The following PARP4 variants were observed in gnomAD, a reference collection of about 807,000 sequenced individuals.
The protein encoded by PARP4 is poly(ADP-ribose) polymerase family member 4, also known as protein mono-ADP-ribosyltransferase PARP4.
In PARP4, 120 loss-of-function variants were observed where a neutral mutation model predicts 187.7. That is an observed-to-expected ratio of 0.64 (90% CI 0.55 to 0.74). PARP4 has a LOEUF of 0.74. Ranked by LOEUF, PARP4 falls within the 30% of genes least tolerant of loss-of-function variation. PARP4 has a pLI of 0.00. For missense variants in PARP4, 1,836 were observed against 2,070.5 expected, an observed-to-expected ratio of 0.89 and a Z score of 2.20; for synonymous variants, 654 against 740.9, an observed-to-expected ratio of 0.88 and a Z score of 1.90.
At position 24,434,847 on chromosome 13, in the gene PARP4, G is replaced by A; in HGVS notation, c.4294C>T (p.Leu1432=). 6.2e-7 allele frequency: 1 copy of A among 1,614,008 alleles called. No homozygotes were observed. The highest frequency in any genetic ancestry group is 2.2e-5 in the East Asian group (1 of 44,870). The part of the protein sequence containing the change: ...TRPSAGTFPE[L]DSPQLHFSLP... The stretch of plus-strand genomic sequence containing the variant: ...GAGAAATGAAGCTGGGGAGAATCCA[G>A]CTCAGGGAAGGTGCCAGCAGAAGGC... The change falls in exon 31 of 34, where the codon CTG becomes TTG. Residue 1432 remains leucine, a synonymous_variant. Transcript: ENST00000381989.
chr13:24,468,742 C>A (rs1241239658), intron 17 of PARP4, among the ~76,000 whole-genome samples: 1 of 152,066 alleles, frequency 6.6e-6, no homozygotes, highest in Non-Finnish European at 1.5e-5. Context: ...AAGTTATATA[C>A]CTCAAATGTT....
chr13:24,508,421 G>A lies in PARP4; in HGVS notation c.-2+4285C>T, dbSNP rs561519360. 4.0e-5 allele frequency among the ~76,000 whole-genome samples: 6 copies of A among 150,946 alleles called. No homozygotes were observed. The South Asian group carries it at 1.3e-3, about 32-fold the overall frequency. ...TTGAAAAATACAGAATTGTATAACA[G>A]AAAAAAAAAGAACAAAACAAAAAAA... On this transcript the variant is annotated intron_variant, in intron 1 of 33. Coordinates refer to ENST00000381989, the MANE Select transcript of PARP4 (RefSeq NM_006437.4).
chr13:24,446,574 C>A, intron 27 of PARP4, 107 bp downstream of exon 27: 1 of 730,074 alleles, frequency 1.4e-6, no homozygotes, highest in Non-Finnish European at 2.4e-6. Flanking sequence ...GCATTCAAAG[C>A]TGCCCTGGGC....
At chr13:24,421,668 C>T (rs1869753623) in intron 33 of PARP4, among the ~76,000 whole-genome samples, 1 of 152,268 alleles carries the variant, frequency 6.6e-6, no homozygotes, top group Non-Finnish European at 1.5e-5. Flanking sequence ...AACTCAAGTA[C>T]TATTTCACAA....
intron 15 of PARP4, 137 bp from the exon 16 acceptor site, chr13:24,470,162 C>A: frequency 1.4e-6 from 1 of 736,578 alleles, no homozygotes; most frequent in Non-Finnish European, 2.1e-6. Flanking sequence ...ATTCCCAACC[C>A]TGGCTTCACT....
chr13:24,492,440 T>C lies in PARP4; in HGVS notation c.1034A>G (p.Lys345Arg). The change falls in exon 9 of 34, where the codon AAG becomes AGG. Residue 345 changes from lysine to arginine, a missense_variant. By Grantham distance (26) the Lys-to-Arg change is conservative. Around this residue, in one of 8 missense-constraint regions of PARP4, gnomAD observed 1,147 missense variants for 1,214.2 expected, o/e 0.94. Coordinates refer to ENST00000381989, the MANE Select transcript of PARP4 (RefSeq NM_006437.4). ...GTTTACCTGGCAGAGGTCTGCTTTC[T>C]TAGCCAATAGTCCCAGGTTCACTTC... is the stretch of plus-strand genomic sequence containing the variant. Reference protein sequence around the residue: ...PKEVNLGLLAKKADLCQLIRD... With the variant: ...PKEVNLGLLARKADLCQLIRD... 1.2e-6 allele frequency: 2 copies of C among 1,613,594 alleles called. No individual in the cohort carries two copies. The highest frequency in any genetic ancestry group is 1.7e-6 in the Non-Finnish European group (2 of 1,179,742).
intron 1 of PARP4, among the ~76,000 whole-genome samples, chr13:24,504,347 TC>T (rs1418409328): frequency 2.4e-5 from 3 of 122,812 alleles, no homozygotes; most frequent in Non-Finnish European, 3.2e-5. Flanking sequence ...GGAATCTCAC[TC>T]TGTCACCCAA....
rs750330972 is a variant in PARP4, at chr13:24,452,602, A to C, written c.2827-9T>G. ...ATGGTAGGTGTGGCAGACTGGAGGA[A>C]ATGAAGTGAAAGATTATGTTCTCCT... On this transcript the variant is annotated splice_polypyrimidine_tract_variant and intron_variant, in intron 23 of 33. Coordinates refer to ENST00000381989, the MANE Select transcript of PARP4 (RefSeq NM_006437.4). The C allele has an allele frequency of 2.5e-6, 4 of 1,605,242 alleles. No homozygotes were observed. The highest frequency in any genetic ancestry group is 1.7e-5 in the Admixed American group (1 of 59,552).
At chr13:24,436,803 C>A (rs750029914) in intron 30 of PARP4, among the ~76,000 whole-genome samples, 2 of 151,998 alleles carry the variant, frequency 1.3e-5, no homozygotes, top group Non-Finnish European at 2.9e-5. Context: ...AAATAATTAG[C>A]CTGTAATTTT....
intron 33 of PARP4, among the ~76,000 whole-genome samples, chr13:24,423,570 G>A (rs1205862705): frequency 2.7e-5 from 4 of 149,246 alleles, no homozygotes; most frequent in East Asian, 2.0e-4. Flanking sequence ...CAAAAAAAAA[G>A]AAAACTCCCA....
chr13:24,498,496 T>A (rs558609296), intron 5 of PARP4, among the ~76,000 whole-genome samples: 1 of 152,358 alleles, frequency 6.6e-6, no homozygotes, highest in Admixed American at 6.5e-5. Context: ...TTTCATGTTT[T>A]CCTTATCAAA....
chr13:24,484,301 G>T (rs1055055561), intron 12 of PARP4, among the ~76,000 whole-genome samples: 1 of 152,132 alleles, frequency 6.6e-6, no homozygotes, highest in Admixed American at 6.5e-5. Context: ...CCAGTAGCTA[G>T]AACTATAGGT....
At chr13:24,426,338 A>G (rs1056454117) in intron 33 of PARP4, 128 bp downstream of exon 33, 1 of 728,218 alleles carries the variant, frequency 1.4e-6, no homozygotes, top group African/African-American at 1.9e-5. Flanking sequence ...TGTCACCTGC[A>G]AACAAATTCT....
At chr13:24,502,098 C>T (rs551910303) in intron 2 of PARP4, among the ~76,000 whole-genome samples, 6 of 152,270 alleles carry the variant, frequency 3.9e-5, no homozygotes, top group South Asian at 2.1e-4. Flanking sequence ...TTGTAAACAA[C>T]GCTGTGATGA....
At chr13:24,509,888 C>T (rs147179703) in intron 1 of PARP4, among the ~76,000 whole-genome samples, 2,932 of 151,976 alleles carry the variant, frequency 0.019, 94 homozygotes, top group African/African-American at 0.06. Flanking sequence ...TTAGTAGAGA[C>T]GGGGTTTCAC....
intron 6 of PARP4, 122 bp from the exon 7 acceptor site, chr13:24,494,844 T>C (rs2137535088): frequency 1.6e-6 from 1 of 610,486 alleles, no homozygotes; most frequent in African/African-American, 1.9e-5. Context: ...TTTCAAAGAA[T>C]TACTTAAATT....
chr13:24,475,955 T>G (rs1214837733), intron 14 of PARP4, among the ~76,000 whole-genome samples: 3 of 152,022 alleles, frequency 2.0e-5, no homozygotes, highest in Admixed American at 6.6e-5. Context: ...CAGCTAATTT[T>G]TTGGTATTTT....
rs568061244 is a variant in PARP4 at position 24,500,322 on chromosome 13, A to G, written c.395T>C (p.Leu132Pro). ...TCAGAAAGAAGTAAATTACTCAGTG[A>G]GTTCCACAGTGTCTTCCTCCTCTGT... is the stretch of plus-strand genomic sequence containing the variant. ...SATEEEDTVE[L>P]TEFGMQNVEI... is the part of the protein sequence containing the mutation. Residue 132 changes from leucine (L) to proline (P), a missense_variant, in exon 4 of 34, where the codon CTC becomes CCC. By Grantham distance (98) the Leu-to-Pro change is moderately conservative. Transcript: ENST00000381989. 2.9e-5 allele frequency: 46 copies of G among 1,582,182 alleles called. 1 individual carries two copies. In the South Asian group the frequency reaches 5.1e-4, roughly 18 times the overall value.
rs943578015 is a variant in PARP4 at position 24,421,458 on chromosome 13, G to C, written c.4980-144C>G. The C allele has an allele frequency of 3.7e-6, 4 of 1,079,048 alleles. No homozygotes were observed. In the South Asian group the frequency reaches 7.0e-5, roughly 19 times the overall value. 66.8% of individuals were successfully genotyped at this position (1,079,048 alleles called of 1,614,324 possible). ...AAAGCAGTTTTCCTTGGCATCTTAC[G>C]GAAGTTCTTCTGCCCGTCTGACCTT... is the stretch of plus-strand genomic sequence containing the variant. On this transcript the variant is annotated intron_variant, in intron 33 of 33. Coordinates refer to ENST00000381989, the MANE Select transcript of PARP4 (RefSeq NM_006437.4).
Sources: gnomAD v4.1 joint callset for allele counts (sites outside exome capture counted in the v4.1 genomes callset) on GRCh38, gnomAD v4.1.1 for gene constraint, gnomAD v4.1.1 regional missense constraint, MANE v1.5 for transcripts, NCBI Gene and HGNC (gene_info 2026-07-23, HGNC 2026-07-21) for gene names.